COPG2: variants seen among roughly 807,000 people sequenced by gnomAD.
COPG2 encodes coat protein complex I subunit gamma 2, also known as coatomer subunit gamma-2.
In COPG2, 37 loss-of-function variants were observed where a neutral mutation model predicts 46.3. The observed-to-expected ratio is 0.80, with a 90% CI of 0.61 to 1.05. COPG2 has a LOEUF of 1.05. COPG2 is among the 50% of genes least tolerant of loss of function. The probability of loss-of-function intolerance (pLI) is 0.00; values close to 1 mark genes in which losing one functional copy is unlikely to be tolerated. For missense variants in COPG2, 427 were observed against 387.8 expected (o/e 1.10, Z -0.85); for synonymous variants, 159 against 129.7 (o/e 1.23, Z -1.53).
intron 9 of COPG2, among the ~76,000 whole-genome samples, chr7:130,609,479 G>C (rs951379078): frequency 6.6e-6 from 1 of 152,176 alleles, no homozygotes; most frequent in African/African-American, 2.4e-5. Flanking sequence ...CAGCCACGTG[G>C]AATTGTAAGT....
chr7:130,606,857 A>T (rs1261440976), intron 9 of COPG2, among the ~76,000 whole-genome samples: 2 of 152,174 alleles, frequency 1.3e-5, no homozygotes, highest in Non-Finnish European at 2.9e-5. Context: ...TTGAATCCTG[A>T]CAGAGTATTT....
chr7:130,594,304 A>T (rs1554449426), intron 9 of COPG2, among the ~76,000 whole-genome samples: 2 of 152,222 alleles, frequency 1.3e-5, no homozygotes, highest in Non-Finnish European at 2.9e-5. Context: ...ACAACTGGAT[A>T]GCCACATGCA....
At chr7:130,558,646 A>G (rs1307662570) in intron 12 of COPG2, among the ~76,000 whole-genome samples, 2 of 152,166 alleles carry the variant, frequency 1.3e-5, no homozygotes, top group Admixed American at 6.5e-5. Flanking sequence ...TCAGCCTCCC[A>G]AGTAACTGGG....
At chr7:130,588,639 A>G (rs918929306) in intron 9 of COPG2, among the ~76,000 whole-genome samples, 6 of 152,100 alleles carry the variant, frequency 3.9e-5, no homozygotes, top group Non-Finnish European at 7.4e-5. Flanking sequence ...CACACTGAGG[A>G]CTGTTGTGGG....
intron 5 of COPG2, among the ~76,000 whole-genome samples, chr7:130,646,907 C>T (rs1300922689): frequency 1.4e-5 from 2 of 138,400 alleles, no homozygotes; most frequent in Non-Finnish European, 3.2e-5. Flanking sequence ...TACCCAGTCT[C>T]GGATAGTGTG....
At chr7:130,528,535 T>G (rs891798704) in intron 20 of COPG2, among the ~76,000 whole-genome samples, 1 of 151,910 alleles carries the variant, frequency 6.6e-6, no homozygotes, top group South Asian at 2.1e-4. Context: ...AGATCACGAA[T>G]TAGGCCAGTG....
intron 20 of COPG2, among the ~76,000 whole-genome samples, chr7:130,538,688 GA>G (rs1208659265): frequency 0.78 from 116,870 of 149,226 alleles, 45,920 homozygotes; most frequent in East Asian, 0.88. Flanking sequence ...GGGGGCCTGG[GA>G]GGGGATGGAC....
At chr7:130,511,241 C>T (rs564943566) in intron 20 of COPG2, among the ~76,000 whole-genome samples, 2 of 151,982 alleles carry the variant, frequency 1.3e-5, no homozygotes, top group East Asian at 1.9e-4. Flanking sequence ...GAGGTATTTC[C>T]AGAAAGCTTT....
intron 20 of COPG2, among the ~76,000 whole-genome samples, chr7:130,523,373 T>C (rs1448482502): frequency 1.3e-5 from 2 of 151,724 alleles, no homozygotes; most frequent in Non-Finnish European, 2.9e-5. Context: ...ACATAGACAA[T>C]AGCAAAAGAA....
chr7:130,627,640 C>CA (rs1269967977), intron 5 of COPG2, among the ~76,000 whole-genome samples: 6 of 152,102 alleles, frequency 3.9e-5, no homozygotes, highest in African/African-American at 1.4e-4. Flanking sequence ...CCCAGATAGT[C>CA]ACTACCCACA....
chr7:130,555,761 C>T (rs939085185), intron 12 of COPG2, among the ~76,000 whole-genome samples: 2 of 151,990 alleles, frequency 1.3e-5, no homozygotes, highest in African/African-American at 2.4e-5. Context: ...ACCTGGGAGG[C>T]GGAGGTTGCA....
At chr7:130,651,195 T>C (rs2116233102) in intron 5 of COPG2, among the ~76,000 whole-genome samples, 1 of 152,348 alleles carries the variant, frequency 6.6e-6, no homozygotes, top group East Asian at 1.9e-4. Context: ...AAATTATATA[T>C]ACTTATTCTA....
At chr7:130,513,402 T>C (rs1480269244) in intron 20 of COPG2, among the ~76,000 whole-genome samples, 32 of 131,144 alleles carry the variant, frequency 2.4e-4, no homozygotes, top group African/African-American at 4.4e-4. Context: ...TATATATATA[T>C]ACACATATAC....
chr7:130,554,053 C>T (rs1041917584), intron 14 of COPG2, among the ~76,000 whole-genome samples: 5 of 151,958 alleles, frequency 3.3e-5, no homozygotes, highest in African/African-American at 7.3e-5. Context: ...AGTTTATCTC[C>T]GAGGGGAAGG....
At chr7:130,535,282 A>T (rs1799867542) in intron 20 of COPG2, among the ~76,000 whole-genome samples, 1 of 152,152 alleles carries the variant, frequency 6.6e-6, no homozygotes, top group South Asian at 2.1e-4. Flanking sequence ...AGAATGTGGA[A>T]GTGGGACAAT....
At chr7:130,626,419 T>C (rs1795120594) in intron 5 of COPG2, among the ~76,000 whole-genome samples, 1 of 147,222 alleles carries the variant, frequency 6.8e-6, no homozygotes, top group South Asian at 2.2e-4. Flanking sequence ...TTTTTTTTTT[T>C]TTCTATTTTT....
intron 5 of COPG2, among the ~76,000 whole-genome samples, chr7:130,646,958 CAT>C (rs1239859015): frequency 0.43 from 59,539 of 137,044 alleles, 15,682 homozygotes; most frequent in East Asian, 0.57. Context: ...TATATATATG[CAT>C]ATATATATGT....
chr7:130,657,492 A>G (rs1554460050), intron 4 of COPG2, among the ~76,000 whole-genome samples: 1 of 152,202 alleles, frequency 6.6e-6, no homozygotes, highest in African/African-American at 2.4e-5. Context: ...TTTCTATGAT[A>G]TGACATAAAA....
At chr7:130,584,179 A>G (rs995205331) in intron 9 of COPG2, among the ~76,000 whole-genome samples, 18 of 152,066 alleles carry the variant, frequency 1.2e-4, no homozygotes, top group Non-Finnish European at 2.6e-4. Flanking sequence ...TAAATGTGAT[A>G]CATCACATAA....
Sources: gnomAD v4.1 joint callset for allele counts (sites outside exome capture counted in the v4.1 genomes callset) on GRCh38, gnomAD v4.1.1 for gene constraint, MANE v1.5 for transcripts, NCBI Gene and HGNC (gene_info 2026-07-23, HGNC 2026-07-21) for gene names.